The following DISP1 variants were observed in gnomAD, a reference collection of about 807,000 sequenced individuals.
The protein encoded by DISP1 is protein dispatched homolog 1.
DISP1 carries 30 observed loss-of-function variants against 37.3 expected under a neutral mutation model. The observed-to-expected ratio is 0.80, with a 90% CI of 0.60 to 1.09. The LOEUF (loss-of-function observed/expected upper bound fraction) is 1.09. DISP1 is among the 50% of genes least tolerant of loss of function. The pLI, the probability that DISP1 is intolerant of heterozygous loss-of-function variation, is 0.00. For synonymous variants in DISP1, 634 were observed against 690.2 expected (o/e 0.92, Z 1.28); for missense variants, 1,598 against 1,879.5 (o/e 0.85, Z 2.77).
At chr1:222,909,087 GT>G (rs1376466267) in intron 1 of DISP1, among the ~76,000 whole-genome samples, 1 of 152,018 alleles carries the variant, frequency 6.6e-6, no homozygotes, top group East Asian at 1.9e-4. Flanking sequence ...GTTCATTTCA[GT>G]TTTTGATTCA....
At chr1:222,836,720 A>G (rs1228226562) in intron 1 of DISP1, among the ~76,000 whole-genome samples, 4 of 150,472 alleles carry the variant, frequency 2.7e-5, no homozygotes, top group Non-Finnish European at 5.9e-5. Flanking sequence ...AGAATCATCC[A>G]GTTGAGCAAG....
intron 1 of DISP1, among the ~76,000 whole-genome samples, chr1:222,879,661 G>A (rs1300100248): frequency 1.3e-5 from 2 of 152,060 alleles, no homozygotes; most frequent in African/African-American, 4.8e-5. Context: ...GGTGGGTGAA[G>A]AAAGATAAAG....
intron 1 of DISP1, among the ~76,000 whole-genome samples, chr1:222,876,886 A>C (rs189288540): frequency 5.4e-4 from 83 of 152,334 alleles, no homozygotes; most frequent in African/African-American, 1.9e-3. Flanking sequence ...AAAAAAAGCA[A>C]ATAAGACAAA....
At chr1:222,894,483 G>T (rs1671128175) in intron 1 of DISP1, among the ~76,000 whole-genome samples, 1 of 152,246 alleles carries the variant, frequency 6.6e-6, no homozygotes, top group Non-Finnish European at 1.5e-5. Context: ...ACACCCGCCC[G>T]GGTTGCGACA....
intron 3 of DISP1, among the ~76,000 whole-genome samples, chr1:222,960,376 G>A (rs1409197299): frequency 1.3e-5 from 2 of 152,120 alleles, no homozygotes; most frequent in East Asian, 1.9e-4. Flanking sequence ...TGACTCCTGG[G>A]TAATAATGAA....
At chr1:222,844,057 CT>C (rs149291940) in intron 1 of DISP1, among the ~76,000 whole-genome samples, 1 of 151,892 alleles carries the variant, frequency 6.6e-6, no homozygotes, top group Non-Finnish European at 1.5e-5. Context: ...ATTCTCCAGT[CT>C]TTGTATTTTT....
chr1:223,000,256 A>T (rs1045781767), intron 8 of DISP1, among the ~76,000 whole-genome samples: 3 of 152,166 alleles, frequency 2.0e-5, no homozygotes, highest in African/African-American at 7.2e-5. Context: ...TCAGTTCATC[A>T]AGCTGACCCT....
intron 1 of DISP1, among the ~76,000 whole-genome samples, chr1:222,830,284 C>T (rs1665413083): frequency 2.0e-5 from 3 of 152,060 alleles, no homozygotes; most frequent in Admixed American, 6.5e-5. Flanking sequence ...GAAGATTATG[C>T]AATTTGTGTA....
chr1:222,999,676 C>A (rs1679304642), intron 8 of DISP1, among the ~76,000 whole-genome samples: 1 of 152,166 alleles, frequency 6.6e-6, no homozygotes, highest in Non-Finnish European at 1.5e-5. Flanking sequence ...TATGTAGATG[C>A]TCAGTAAATT....
At chr1:222,892,952 A>G (rs1332912653) in intron 1 of DISP1, among the ~76,000 whole-genome samples, 3 of 152,234 alleles carry the variant, frequency 2.0e-5, no homozygotes, top group Non-Finnish European at 2.9e-5. Context: ...TTAATGTTTT[A>G]TGTGTTTTAA....
At chr1:222,984,809 G>T (rs2102711500) in intron 4 of DISP1, among the ~76,000 whole-genome samples, 1 of 151,986 alleles carries the variant, frequency 6.6e-6, no homozygotes, top group East Asian at 1.9e-4. Flanking sequence ...CTACCCCCAG[G>T]CCCTAGCAAC....
intron 2 of DISP1, among the ~76,000 whole-genome samples, chr1:222,936,591 A>ATT (rs1558339084): frequency 1.2e-4 from 2 of 16,450 alleles, no homozygotes; most frequent in Admixed American, 4.7e-4. Flanking sequence ...TATATATGAG[A>ATT]GATATATATC....
At chr1:222,872,982 C>G (rs1669677214) in intron 1 of DISP1, among the ~76,000 whole-genome samples, 1 of 152,098 alleles carries the variant, frequency 6.6e-6, no homozygotes. Flanking sequence ...TGTCTTTGTT[C>G]TTGTTGGTTT....
chr1:222,994,961 G>A lies in DISP1; in HGVS notation c.966G>A (p.Met322Ile). Residue 322 changes from methionine to isoleucine, a missense_variant, in exon 8 of 9, where the codon ATG becomes ATA. Coordinates refer to ENST00000675850, the MANE Select transcript of DISP1 (RefSeq NM_001377229.1). ...TLWNLPAIKS[M>I]CNVDNSRIRS... ...GGAATTTACCTGCAATTAAATCAATGTGCAATGTAGATAATTCCAGGGTAT... is the reference window on the plus strand; with the variant it reads ...GGAATTTACCTGCAATTAAATCAATATGCAATGTAGATAATTCCAGGGTAT... The A allele has an allele frequency of 1.9e-6, 3 of 1,612,060 alleles. No homozygotes were observed. Among genetic ancestry groups the A allele is most frequent in the Non-Finnish European group, 2.5e-6 (3 of 1,178,742 alleles).
rs542076054 is a variant in DISP1, at chr1:222,969,795, G to T, written c.510-13285G>T. Among the ~76,000 whole-genome samples the T allele has an allele frequency of 6.6e-5, 10 of 152,188 alleles. No individual in the cohort carries two copies. In the East Asian group the frequency reaches 1.5e-3, roughly 23 times the overall value. ...AAAAGAGTTACAATGTTTTATCTGT[G>T]TAGTAAGAATATGGGTAATTGTGTA... is the stretch of plus-strand genomic sequence containing the variant. On this transcript the variant is annotated intron_variant, in intron 3 of 8. Coordinates refer to ENST00000675850, the MANE Select transcript of DISP1 (RefSeq NM_001377229.1).
intron 1 of DISP1, among the ~76,000 whole-genome samples, chr1:222,891,485 T>C (rs1167530488): frequency 6.6e-6 from 1 of 152,052 alleles, no homozygotes; most frequent in Non-Finnish European, 1.5e-5. Context: ...CTAAAATTAC[T>C]CAGGAAGAAT....
At chr1:222,969,915 G>A (rs1054535308) in intron 3 of DISP1, among the ~76,000 whole-genome samples, 2 of 151,934 alleles carry the variant, frequency 1.3e-5, no homozygotes, top group Admixed American at 6.6e-5. Context: ...CCTCATTAAA[G>A]CTTTCCTCTT....
At chr1:222,907,588 G>T (rs1046529461) in intron 1 of DISP1, among the ~76,000 whole-genome samples, 2 of 152,184 alleles carry the variant, frequency 1.3e-5, no homozygotes, top group African/African-American at 4.8e-5. Flanking sequence ...CCAAATAAAA[G>T]CAGTGAGATT....
At position 223,004,933 on chromosome 1, in the gene DISP1, A is replaced by C. The variant is rs571258186; in HGVS notation, c.3536A>C (p.Asp1179Ala). ...KTHTINAYHL[D>A]PRGPKSELEH... ...CATACCATAAATGCTTATCATTTAG[A>C]TCCCAGGGGCCCAAAATCTGAACTG... Residue 1179 changes from aspartate (D) to alanine (A), a missense_variant, in exon 9 of 9, where the codon GAT becomes GCT. By Grantham distance (126) the Asp-to-Ala change is moderately radical. Transcript: ENST00000675850. The surrounding 1 kb of genome is among the most constrained non-coding windows in gnomAD (Gnocchi z 4.9). The C allele has an allele frequency of 4.4e-4, 717 of 1,612,886 alleles. 8 individuals carry two copies. The South Asian group carries it at 7.4e-3, about 17-fold the overall frequency.
Sources: allele counts gnomAD v4.1 joint callset (sites outside exome capture counted in the v4.1 genomes callset), GRCh38; gene constraint gnomAD v4.1.1; non-coding constraint Gnocchi (gnomAD v3.1); transcripts MANE v1.5; gene names NCBI Gene and HGNC (gene_info 2026-07-23, HGNC 2026-07-21).